Variants in VWA3B observed in about 807,000 individuals in gnomAD.
The protein encoded by VWA3B is von Willebrand factor A domain-containing protein 3B.
In VWA3B, 138 loss-of-function variants were observed where a neutral mutation model predicts 158.3. That is an observed-to-expected ratio of 0.87 (90% confidence interval 0.76 to 1.00). The LOEUF is 1.00. VWA3B is among the 50% of genes least tolerant of loss of function. VWA3B has a pLI of 0.00. For missense variants in VWA3B, 1,555 were observed against 1,565.1 expected, an observed-to-expected ratio of 0.99 and a Z score of 0.11; for synonymous variants, 596 against 587.3, an observed-to-expected ratio of 1.01 and a Z score of -0.21.
chr2:98,230,518 T>C (rs1445530428), intron 16 of VWA3B, among the ~76,000 whole-genome samples: 1 of 151,604 alleles, frequency 6.6e-6, no homozygotes, highest in East Asian at 1.9e-4. Flanking sequence ...TGTGTGTGTA[T>C]GTGTGTGTGT....
chr2:98,136,453 A>G (rs887712978), intron 7 of VWA3B, among the ~76,000 whole-genome samples: 7 of 152,152 alleles, frequency 4.6e-5, no homozygotes, highest in Non-Finnish European at 7.3e-5. Context: ...TATTGCTCAC[A>G]GTTCTGGAGG....
chr2:98,212,719 G>A (rs766751468), intron 13 of VWA3B, among the ~76,000 whole-genome samples: 25 of 152,218 alleles, frequency 1.6e-4, no homozygotes, highest in Non-Finnish European at 3.1e-4. Flanking sequence ...GTGGCAAAAA[G>A]TTCAGGGCTT....
At chr2:98,117,059 G>A (rs148369807) in intron 3 of VWA3B, among the ~76,000 whole-genome samples, 10 of 152,210 alleles carry the variant, frequency 6.6e-5, no homozygotes, top group African/African-American at 2.4e-4. Context: ...ACCTTCTCCT[G>A]TATCTTTATG....
rs946241001 is a variant in VWA3B at position 98,181,010 on chromosome 2, C to T, written c.1115-6C>T. On this transcript the variant is annotated splice_polypyrimidine_tract_variant and splice_region_variant and intron_variant, in intron 8 of 27. Coordinates refer to ENST00000477737, the MANE Select transcript of VWA3B (RefSeq NM_144992.5). ...TATGAATGGCTGACAAGCTGTGATT[C>T]TACAGAGTCAGAAACAACCTCTGTT... The T allele has an allele frequency of 1.9e-6, 3 of 1,613,512 alleles. No individual in the cohort carries two copies. Among genetic ancestry groups the T allele is most frequent in the Non-Finnish European group, 2.5e-6 (3 of 1,179,580 alleles).
chr2:98,323,847 G>A, the VWA3B span, among the ~76,000 whole-genome samples: 1 of 152,224 alleles, frequency 6.6e-6, no homozygotes, highest in African/African-American at 2.4e-5. Flanking sequence ...CAAAATGAAG[G>A]TGAGAGGAGT....
At chr2:98,112,303 G>GGGT (rs1674201538) in intron 2 of VWA3B, among the ~76,000 whole-genome samples, 1 of 136,836 alleles carries the variant, frequency 7.3e-6, no homozygotes, top group South Asian at 2.2e-4. Context: ...TGTGTGTGTG[G>GGGT]GTGTGTGTGT....
intron 22 of VWA3B, among the ~76,000 whole-genome samples, chr2:98,285,241 C>T (rs1689095380): frequency 6.6e-6 from 1 of 152,122 alleles, no homozygotes; most frequent in Non-Finnish European, 1.5e-5. Context: ...ATCAATTTGT[C>T]TCTATATATT....
At chr2:98,106,596 G>A (rs1673680616) in intron 2 of VWA3B, among the ~76,000 whole-genome samples, 1 of 151,996 alleles carries the variant, frequency 6.6e-6, no homozygotes, top group Non-Finnish European at 1.5e-5. Flanking sequence ...AGTATACGAA[G>A]CCTGCACATG....
chr2:98,148,700 T>C (rs1046365119), intron 7 of VWA3B, among the ~76,000 whole-genome samples: 2 of 152,226 alleles, frequency 1.3e-5, no homozygotes, highest in African/African-American at 4.8e-5. Context: ...CCCTAAAATA[T>C]GTAACAACTG....
intron 5 of VWA3B, among the ~76,000 whole-genome samples, chr2:98,127,506 G>A (rs1346169918): frequency 6.8e-6 from 1 of 147,304 alleles, no homozygotes; most frequent in Non-Finnish European, 1.5e-5. Context: ...TCAGCAGCTG[G>A]CACTTCTCTG....
chr2:98,205,603 G>A (rs1380909849), intron 12 of VWA3B, among the ~76,000 whole-genome samples: 1 of 151,974 alleles, frequency 6.6e-6, no homozygotes, highest in African/African-American at 2.4e-5. Flanking sequence ...AGGTTCTTGA[G>A]GTAGGAACAT....
intron 12 of VWA3B, among the ~76,000 whole-genome samples, chr2:98,203,040 C>T (rs1020309517): frequency 1.1e-4 from 16 of 152,124 alleles, no homozygotes; most frequent in African/African-American, 3.9e-4. Flanking sequence ...TCCATGTTGG[C>T]CAGGATGTTC....
intron 26 of VWA3B, among the ~76,000 whole-genome samples, chr2:98,309,041 G>A (rs1056365518): frequency 4.6e-5 from 7 of 151,692 alleles, no homozygotes; most frequent in African/African-American, 1.7e-4. Context: ...ACATGGTGGT[G>A]GGCACCCTTA....
intron 20 of VWA3B, among the ~76,000 whole-genome samples, chr2:98,251,368 C>T (rs180834055): frequency 2.6e-5 from 4 of 152,168 alleles, no homozygotes; most frequent in Admixed American, 2.0e-4. Context: ...ATGGAAATAA[C>T]GGCTTTTGTT....
chr2:98,130,759 A>G (rs1165110999), intron 6 of VWA3B, among the ~76,000 whole-genome samples: 2 of 152,168 alleles, frequency 1.3e-5, no homozygotes, highest in Non-Finnish European at 2.9e-5. Context: ...TTAGTACAGA[A>G]CAAAATGGAG....
chr2:98,320,767 G>A, the VWA3B span, among the ~76,000 whole-genome samples: 231 of 152,334 alleles, frequency 1.5e-3, no homozygotes, highest in Admixed American at 2.6e-3. Flanking sequence ...AGAGGTGACA[G>A]AGCGTAGAAG....
chr2:98,227,718 T>A (rs2105679493), intron 14 of VWA3B, among the ~76,000 whole-genome samples: 1 of 152,116 alleles, frequency 6.6e-6, no homozygotes, highest in East Asian at 1.9e-4. Context: ...AGAAAGCCAA[T>A]GAGTAGTTCC....
chr2:98,273,495 G>T (rs780501446), intron 22 of VWA3B, among the ~76,000 whole-genome samples: 15 of 152,290 alleles, frequency 9.8e-5, no homozygotes, highest in South Asian at 6.2e-4. Flanking sequence ...ACATTTCTCT[G>T]TCGATTTACC....
chr2:98,101,848 A>ATATTTTTTTATTTTT (rs199764250), intron 2 of VWA3B, among the ~76,000 whole-genome samples: 3 of 149,150 alleles, frequency 2.0e-5, no homozygotes, highest in Admixed American at 1.3e-4. Flanking sequence ...TTGCATGTTT[A>ATATTTTTTTATTTTT]TATTTTTTTA....
Sources: gnomAD v4.1 joint callset for allele counts (sites outside exome capture counted in the v4.1 genomes callset) on GRCh38, gnomAD v4.1.1 for gene constraint, MANE v1.5 for transcripts, NCBI Gene and HGNC (gene_info 2026-07-23, HGNC 2026-07-21) for gene names.